The following PDE10A variants were observed in gnomAD, a reference collection of about 807,000 sequenced individuals.
PDE10A encodes the protein phosphodiesterase 10A.
Under a neutral mutation model 97.7 loss-of-function variants are expected in PDE10A, and 39 were observed. The ratio of observed to expected loss-of-function variants is 0.40; its 90% CI spans 0.31 to 0.52. The LOEUF (loss-of-function observed/expected upper bound fraction) is 0.52, where lower values mean the gene tolerates loss of function less well. PDE10A is among the 20% of genes least tolerant of loss of function. PDE10A has a pLI of 0.56. For synonymous variants in PDE10A, 371 were observed against 376.8 expected (o/e 0.98, Z 0.18); for missense variants, 731 against 1,047.8 (o/e 0.70, Z 4.17).
intron 1 of PDE10A, among the ~76,000 whole-genome samples, chr6:165,878,738 G>A (rs1781406166): frequency 6.6e-6 from 1 of 152,186 alleles, no homozygotes; most frequent in Non-Finnish European, 1.5e-5. Context: ...GAATTATCCA[G>A]GTGGGCCCTT....
intron 1 of PDE10A, among the ~76,000 whole-genome samples, chr6:165,795,292 G>A (rs1354521837): frequency 1.3e-5 from 2 of 152,100 alleles, no homozygotes; most frequent in African/African-American, 2.4e-5. Context: ...TTAGTCAGTT[G>A]GCCATCAAGC....
intron 1 of PDE10A, among the ~76,000 whole-genome samples, chr6:165,753,439 G>A (rs1793051962): frequency 6.6e-6 from 1 of 152,192 alleles, no homozygotes; most frequent in African/African-American, 2.4e-5. Flanking sequence ...AGGGGGCAGT[G>A]TTATCACAGT....
chr6:165,829,225 A>G (rs58690708), intron 1 of PDE10A, among the ~76,000 whole-genome samples: 11,510 of 152,220 alleles, frequency 0.076, 725 homozygotes, highest in African/African-American at 0.17. Context: ...CCTCCCTGAT[A>G]TCGCTGCTCC....
intron 1 of PDE10A, among the ~76,000 whole-genome samples, chr6:165,691,593 A>G (rs113873124): frequency 6.1e-3 from 94 of 15,408 alleles, no homozygotes; most frequent in Non-Finnish European, 9.3e-3. Flanking sequence ...ACGCGCGCGC[A>G]CACACACACA....
At chr6:165,514,447 G>C (rs1336762394) in intron 2 of PDE10A, among the ~76,000 whole-genome samples, 1 of 152,202 alleles carries the variant, frequency 6.6e-6, no homozygotes, top group African/African-American at 2.4e-5. Context: ...CTATAAGCCT[G>C]TATCAGTGTG....
chr6:165,416,764 C>T (rs1008901845), intron 11 of PDE10A, among the ~76,000 whole-genome samples: 1 of 152,164 alleles, frequency 6.6e-6, no homozygotes, highest in Non-Finnish European at 1.5e-5. Context: ...ACAGGTTACA[C>T]GTGAGCTTGA....
At chr6:165,543,610 T>A in intron 1 of PDE10A, 42 bp from the exon 2 acceptor site, 2 of 1,504,810 alleles carry the variant, frequency 1.3e-6, no homozygotes, top group Non-Finnish European at 1.8e-6. Context: ...CTATACAACA[T>A]CCTCATATCA....
At chr6:165,393,528 A>T (rs370973673) in intron 15 of PDE10A, among the ~76,000 whole-genome samples, 1 of 151,978 alleles carries the variant, frequency 6.6e-6, no homozygotes, top group African/African-American at 2.4e-5. Context: ...ATTCATAAAA[A>T]CTTAAAAAAA....
intron 1 of PDE10A, among the ~76,000 whole-genome samples, chr6:165,762,670 T>C (rs927081954): frequency 6.6e-6 from 1 of 151,142 alleles, no homozygotes; most frequent in African/African-American, 2.5e-5. Context: ...CAAATAAATA[T>C]AGCTCTATAA....
At chr6:165,608,730 A>G (rs1787348141) in intron 1 of PDE10A, among the ~76,000 whole-genome samples, 1 of 152,202 alleles carries the variant, frequency 6.6e-6, no homozygotes, top group Admixed American at 6.5e-5. Flanking sequence ...TCCCACCAAC[A>G]GTGTAAAAGT....
intron 1 of PDE10A, among the ~76,000 whole-genome samples, chr6:165,625,081 G>C (rs1343705375): frequency 2.0e-5 from 3 of 151,920 alleles, no homozygotes; most frequent in South Asian, 2.1e-4. Flanking sequence ...GTGAGAGAGA[G>C]AGTGCTGGAG....
At chr6:165,586,873 G>T (rs898149444) in intron 1 of PDE10A, among the ~76,000 whole-genome samples, 3 of 151,826 alleles carry the variant, frequency 2.0e-5, no homozygotes, top group Non-Finnish European at 4.4e-5. Context: ...TTTTATATTT[G>T]CCTTGAAAAA....
At chr6:165,376,509 T>A (rs1240950483) in intron 18 of PDE10A, among the ~76,000 whole-genome samples, 1 of 152,210 alleles carries the variant, frequency 6.6e-6, no homozygotes, top group East Asian at 1.9e-4. Context: ...TTGAAGGAAG[T>A]TCTACTGCAG....
chr6:165,656,256 TCTCACACACACACACACACACA>T lies in PDE10A; in HGVS notation c.865+5669_865+5690del, dbSNP rs1382009057. Reference sequence around the variant, plus strand: ...CCCCAACTCTCTCTCTCTCTCTCTCTCTCACACACACACACACACACACACACACACACACACACACCTTTCC... The same window carrying T: ...CCCCAACTCTCTCTCTCTCTCTCTCTCACACACACACACACACACCTTTCC... On this transcript the variant is annotated intron_variant, in intron 1 of 21. Transcript: ENST00000539869. 7.8e-3 allele frequency among the ~76,000 whole-genome samples: 831 copies of T among 106,784 alleles called. 6 individuals carry two copies. Among genetic ancestry groups the T allele is most frequent in the African/African-American group, 0.028 (779 of 28,178 alleles). The allele number at this position is 106,784 out of a possible 152,430, so 70.1% of individuals were successfully genotyped here.
At chr6:165,680,172 T>A (rs578140279) in intron 1 of PDE10A, among the ~76,000 whole-genome samples, 1 of 152,310 alleles carries the variant, frequency 6.6e-6, no homozygotes, top group Non-Finnish European at 1.5e-5. Flanking sequence ...TTAAGGAACT[T>A]AACATCTAAT....
chr6:165,425,541 T>C (rs1306717449), intron 10 of PDE10A, among the ~76,000 whole-genome samples: 1 of 152,112 alleles, frequency 6.6e-6, no homozygotes, highest in African/African-American at 2.4e-5. Flanking sequence ...TTCCTCAACC[T>C]GATAAAGGCC....
chr6:165,407,346 T>C (rs1347338181), intron 13 of PDE10A, among the ~76,000 whole-genome samples: 2 of 152,134 alleles, frequency 1.3e-5, no homozygotes, highest in Non-Finnish European at 2.9e-5. Context: ...ACTTGCTATG[T>C]GCCCTTGGGG....
At chr6:165,741,189 C>T (rs979432519) in intron 1 of PDE10A, among the ~76,000 whole-genome samples, 2 of 151,916 alleles carry the variant, frequency 1.3e-5, no homozygotes, top group African/African-American at 2.4e-5. Context: ...AGCTTGACTG[C>T]GGTAATAATT....
chr6:165,399,782 T>C (rs1473510995), intron 13 of PDE10A, among the ~76,000 whole-genome samples: 1 of 152,196 alleles, frequency 6.6e-6, no homozygotes, highest in Non-Finnish European at 1.5e-5. Context: ...TGCATAGTAT[T>C]CCATGGTGTA....
Sources: allele counts gnomAD v4.1 joint callset (sites outside exome capture counted in the v4.1 genomes callset), GRCh38; gene constraint gnomAD v4.1.1; transcripts MANE v1.5; gene names NCBI Gene and HGNC (gene_info 2026-07-23, HGNC 2026-07-21).